The following RP2 variants were observed in gnomAD, a reference collection of about 807,000 sequenced individuals.
The protein encoded by RP2 is RP2 activator of ARL3 GTPase.
A neutral mutation model predicts 20.3 loss-of-function variants in RP2; 3 were observed. The ratio of observed to expected loss-of-function variants is 0.15; its 90% confidence interval spans 0.07 to 0.38. The LOEUF (loss-of-function observed/expected upper bound fraction) is 0.38. Among genes scored for constraint, RP2 ranks in the 10% least tolerant of loss-of-function variants. The pLI is 1.00. For synonymous variants in RP2, 75 were observed against 94.8 expected (o/e 0.79, Z 1.22); for missense variants, 233 against 268.5 (o/e 0.87, Z 0.92).
chrX:46,855,762 C>T (rs781974288), intron 2 of RP2, among the ~76,000 whole-genome samples: 5 of 107,974 alleles, frequency 4.6e-5, no homozygotes, highest in Admixed American at 1.0e-4. Flanking sequence ...CCACCACGCT[C>T]GGCCGGAAAA....
intron 1 of RP2, among the ~76,000 whole-genome samples, chrX:46,847,165 A>G (rs1240328951): frequency 8.9e-6 from 1 of 112,174 alleles, no homozygotes; most frequent in African/African-American, 3.2e-5. Context: ...CCATCCATAT[A>G]TCTTTGGTAA....
In RP2 at chrX:46,877,720, G is replaced by GTGTGTA. The variant is rs1335582550; in HGVS notation, c.969+135_969+136insATGTGT. ...ATTTTTGGGGTGTGTGTGTGTGTGT[G>GTGTGTA]TGTGTGTGTGTGTTTAAAGCAGATC... On this transcript the variant is annotated intron_variant, in intron 4 of 4. Coordinates refer to ENST00000218340, the MANE Select transcript of RP2 (RefSeq NM_006915.3). 9.5e-6 allele frequency: 4 copies of GTGTGTA among 420,177 alleles called. No individual in the cohort carries two copies. In the Admixed American group the frequency reaches 1.4e-4, roughly 15 times the overall value. 34.6% of individuals were successfully genotyped at this position (420,177 alleles called of 1,213,427 possible). A position where few individuals can be genotyped will look rare whatever the true frequency, so the allele number is the denominator to read the frequency against.
At chrX:46,854,853 C>G (rs1924929250) in intron 2 of RP2, among the ~76,000 whole-genome samples, 1 of 110,389 alleles carries the variant, frequency 9.1e-6, no homozygotes, top group African/African-American at 3.3e-5. Flanking sequence ...CAACTTCTGC[C>G]TCCTGGGTTC....
chrX:46,842,644 C>T (rs974428802), intron 1 of RP2, among the ~76,000 whole-genome samples: 6 of 111,886 alleles, frequency 5.4e-5, no homozygotes, highest in Admixed American at 1.9e-4. Flanking sequence ...CTCGTCTCTC[C>T]GAGCCCCTGG....
intron 3 of RP2, among the ~76,000 whole-genome samples, chrX:46,864,186 C>A: frequency 9.1e-6 from 1 of 110,488 alleles, no homozygotes; most frequent in Non-Finnish European, 1.9e-5. Context: ...ACCTGTAGTC[C>A]CAGCTACTTG....
intron 1 of RP2, among the ~76,000 whole-genome samples, chrX:46,847,704 A>ATACACACACATATGTGTGTGTG (rs1924743727): frequency 1.2e-5 from 1 of 82,599 alleles, no homozygotes; most frequent in African/African-American, 5.3e-5. Context: ...GTGTGTGTGT[A>ATACACACACATATGTGTGTGTG]TATATACACA....
At chrX:46,856,155 G>A (rs3117285) in intron 2 of RP2, among the ~76,000 whole-genome samples, 37,986 of 110,408 alleles carry the variant, frequency 0.34, 7,714 homozygotes, top group African/African-American at 0.76. Context: ...ACTACAAACA[G>A]TTTTCAAAAT....
At chrX:46,854,276 C>A in intron 2 of RP2, 135 bp downstream of exon 2, 1 of 585,736 alleles carries the variant, frequency 1.7e-6, no homozygotes, top group South Asian at 2.7e-5. Context: ...CCACCACCCC[C>A]TCTCCCAACA....
intron 1 of RP2, among the ~76,000 whole-genome samples, chrX:46,839,362 G>A: frequency 9.0e-6 from 1 of 110,884 alleles, no homozygotes; most frequent in East Asian, 2.8e-4. Flanking sequence ...GACCAGCCTG[G>A]GCAATATGGC....
At chrX:46,864,457 C>T in intron 3 of RP2, among the ~76,000 whole-genome samples, 1 of 107,734 alleles carries the variant, frequency 9.3e-6, no homozygotes, top group Non-Finnish European at 1.9e-5. Context: ...AGCAATCCTC[C>T]CACCTCTGAC....
Position 46,853,527 on chromosome X carries a change from C to A in RP2, c.154C>A (p.Arg52Ser). The change falls in exon 2 of 5, where the codon CGC (arginine) becomes AGC (serine). Residue 52 changes from arginine to serine, a missense_variant. Transcript: ENST00000218340. ...FSGLKDETVGRLPGTVAGQQF... is the reference protein window; with the variant it reads ...FSGLKDETVGSLPGTVAGQQF... ...TGGACTGAAGGATGAAACAGTAGGT[C>A]GCTTACCTGGGACGGTAGCAGGACA... 8.3e-7 allele frequency: 1 copy of A among 1,210,485 alleles called. No homozygotes were observed. Among genetic ancestry groups the A allele is most frequent in the African/African-American group, 1.7e-5 (1 of 57,718 alleles).
chrX:46,874,928 T>C (rs1925349435), intron 3 of RP2, among the ~76,000 whole-genome samples: 1 of 111,573 alleles, frequency 9.0e-6, no homozygotes, highest in Non-Finnish European at 1.9e-5. Flanking sequence ...TGGTCAATTA[T>C]GTTATAGTAT....
At chrX:46,844,049 C>T (rs1353340743) in intron 1 of RP2, among the ~76,000 whole-genome samples, 3 of 111,501 alleles carry the variant, frequency 2.7e-5, no homozygotes, top group African/African-American at 6.5e-5. Flanking sequence ...ATAGCAAGGT[C>T]GTGGTTAAGA....
chrX:46,866,498 A>G (rs1177792387), intron 3 of RP2, among the ~76,000 whole-genome samples: 1 of 111,652 alleles, frequency 9.0e-6, no homozygotes, highest in African/African-American at 3.3e-5. Context: ...CATTATGTCC[A>G]TTTTATTCAC....
At chrX:46,868,711 G>A (rs1243829425) in intron 3 of RP2, among the ~76,000 whole-genome samples, 2 of 105,963 alleles carry the variant, frequency 1.9e-5, no homozygotes, top group African/African-American at 3.5e-5. Flanking sequence ...GCTTGAGCCC[G>A]GCAGGTGGAG....
chrX:46,872,163 C>A (rs781911918), intron 3 of RP2, among the ~76,000 whole-genome samples: 1 of 112,377 alleles, frequency 8.9e-6, no homozygotes, highest in Admixed American at 9.4e-5. Flanking sequence ...TACTTCATCT[C>A]AAATTAATAT....
At chrX:46,849,276 G>A (rs1356822911) in intron 1 of RP2, among the ~76,000 whole-genome samples, 1 of 108,611 alleles carries the variant, frequency 9.2e-6, no homozygotes, top group African/African-American at 3.4e-5. Flanking sequence ...CTGCAGCCTT[G>A]AACTCCCAGG....
intron 3 of RP2, among the ~76,000 whole-genome samples, chrX:46,867,412 T>G (rs782059666): frequency 3.5e-5 from 4 of 113,106 alleles, no homozygotes; most frequent in Non-Finnish European, 7.5e-5. Context: ...ACTTGTTCCT[T>G]TTTATTGCTG....
At chrX:46,859,203 C>A (rs1925021873) in intron 2 of RP2, among the ~76,000 whole-genome samples, 1 of 111,559 alleles carries the variant, frequency 9.0e-6, no homozygotes, top group Admixed American at 9.6e-5. Context: ...ACATTATTGG[C>A]CAGGTACAGT....
Sources: gnomAD v4.1 joint callset for allele counts (sites outside exome capture counted in the v4.1 genomes callset) on GRCh38, gnomAD v4.1.1 for gene constraint, MANE v1.5 for transcripts, NCBI Gene and HGNC (gene_info 2026-07-23, HGNC 2026-07-21) for gene names.